EML6: variants seen among roughly 807,000 people sequenced by gnomAD.
EML6 encodes EMAP like 6.
In EML6, 154 loss-of-function variants were observed where a neutral mutation model predicts 240.1. The ratio of observed to expected loss-of-function variants is 0.64; its 90% CI spans 0.56 to 0.73. EML6 has a LOEUF of 0.73. Among genes scored for constraint, EML6 ranks in the 30% least tolerant of loss-of-function variants. The pLI is 0.00. For missense variants in EML6, 2,964 were observed against 2,474.6 expected (o/e 1.20, Z -4.20); for synonymous variants, 1,148 against 899.0 (o/e 1.28, Z -4.95).
intron 28 of EML6, among the ~76,000 whole-genome samples, chr2:54,939,657 A>G (rs897592859): frequency 2.0e-5 from 3 of 152,328 alleles, no homozygotes; most frequent in South Asian, 2.1e-4. Context: ...CGCTCCCTGC[A>G]GTGCCCCTGC....
chr2:54,936,972 T>C (rs866910098), intron 28 of EML6, among the ~76,000 whole-genome samples: 119 of 145,576 alleles, frequency 8.2e-4, no homozygotes, highest in African/African-American at 2.9e-3. Context: ...GTCTCTCTTT[T>C]TTTTTTTTTT....
intron 2 of EML6, chr2:54,747,018 TGA>T (rs1278756378): frequency 7.9e-5 from 12 of 152,244 alleles, no homozygotes; most frequent in African/African-American, 2.9e-4. Flanking sequence ...GACTGCAGTA[TGA>T]GCGCTGTGTA....
At chr2:54,950,521 G>A (rs1034261946) in intron 29 of EML6, 129 bp from the exon 30 acceptor site, 2 of 974,252 alleles carry the variant, frequency 2.1e-6, no homozygotes, top group South Asian at 1.9e-5. Flanking sequence ...TGTTTTCAGT[G>A]AGTGTGTGTT....
intron 7 of EML6, among the ~76,000 whole-genome samples, chr2:54,842,447 A>G (rs924299702): frequency 1.3e-5 from 2 of 152,220 alleles, no homozygotes; most frequent in African/African-American, 2.4e-5. Context: ...CTTGGTCACC[A>G]TAATTACAGT....
rs1558664921 is a variant in EML6 at position 54,899,690 on chromosome 2, C to T, written c.3032C>T (p.Pro1011Leu). 3.9e-6 allele frequency: 6 copies of T among 1,553,730 alleles called. No individual in the cohort carries two copies. The Admixed American group carries it at 1.2e-4, about 30-fold the overall frequency. Residue 1011 changes from proline to leucine, a missense_variant, in exon 22 of 42, where the codon CCC becomes CTC. Transcript: ENST00000356458. ...GGGTTGGCAGCTCACCCTCTCCTGC[C>T]CATCTGTGCAACAGTGAGCGATGAT... ...VWGLAAHPLL[P>L]ICATVSDDKT...
chr2:54,761,072 A>G (rs533618457), intron 2 of EML6, among the ~76,000 whole-genome samples: 2 of 152,238 alleles, frequency 1.3e-5, no homozygotes, highest in Admixed American at 6.5e-5. Flanking sequence ...TCTCTGCTTT[A>G]TGGTTTTAAT....
At chr2:54,876,738 G>A (rs538122045) in intron 16 of EML6, among the ~76,000 whole-genome samples, 2 of 152,152 alleles carry the variant, frequency 1.3e-5, no homozygotes, top group South Asian at 4.2e-4. Context: ...ATGTTTACAG[G>A]GTAGAATGTG....
At chr2:54,801,495 T>A (rs766724556) in intron 2 of EML6, among the ~76,000 whole-genome samples, 4 of 152,194 alleles carry the variant, frequency 2.6e-5, no homozygotes, top group Non-Finnish European at 5.9e-5. Context: ...CATGCTTGAC[T>A]CTCCAGTGTG....
chr2:54,763,343 T>A (rs1668055675), intron 2 of EML6, among the ~76,000 whole-genome samples: 1 of 152,216 alleles, frequency 6.6e-6, no homozygotes, highest in South Asian at 2.1e-4. Context: ...TAAAGTTGGG[T>A]TCACTGGAAT....
At position 54,967,100 on chromosome 2, in the gene EML6, C is replaced by T. The variant is rs752509567; in HGVS notation, c.5594C>T (p.Thr1865Ile). 6.5e-7 allele frequency: 1 copy of T among 1,549,068 alleles called. No homozygotes were observed. The highest frequency in any genetic ancestry group is 8.7e-7 in the Non-Finnish European group (1 of 1,144,872). The part of the protein sequence containing the change: ...VIEKITWASW[T>I]SVLGDEVIGI... ...GAGAAGATCACCTGGGCCTCCTGGA[C>T]AAGGTGACTGACTGGAAGAAAAAAC... The change falls in exon 39 of 42, where the codon ACA (threonine) becomes ATA (isoleucine). Residue 1865 changes from threonine to isoleucine, a missense_variant. By Grantham distance (89) the Thr-to-Ile change is moderately conservative (BLOSUM62 -1). Coordinates refer to ENST00000356458, the MANE Select transcript of EML6 (RefSeq NM_001039753.4).
chr2:54,892,475 G>C lies in EML6; in HGVS notation c.2561G>C (p.Arg854Thr). Residue 854 changes from arginine (R) to threonine (T), a missense_variant, in exon 19 of 42, where the codon AGA becomes ACA. By Grantham distance (71) the Arg-to-Thr change is moderately conservative. Coordinates refer to ENST00000356458, the MANE Select transcript of EML6 (RefSeq NM_001039753.4). ...CTAGGTGGGGGCTTCACTTCTAAAA[G>C]AGGAACTTTTGGAAGCGTTGGAAAA... The part of the protein sequence containing the change: ...QQAGGGFTSK[R>T]GTFGSVGKLE... 1 of 1,551,318 alleles carries C rather than the reference G, an allele frequency of 6.4e-7. No homozygotes were observed. The highest frequency in any genetic ancestry group is 8.7e-7 in the Non-Finnish European group (1 of 1,146,702).
intron 21 of EML6, among the ~76,000 whole-genome samples, chr2:54,896,917 A>T (rs1407447653): frequency 6.6e-6 from 1 of 152,162 alleles, no homozygotes; most frequent in Non-Finnish European, 1.5e-5. Flanking sequence ...CAAACCTCGA[A>T]AGCTCTGCAG....
At chr2:54,743,062 T>A (rs1331254196) in intron 2 of EML6, among the ~76,000 whole-genome samples, 1 of 152,236 alleles carries the variant, frequency 6.6e-6, no homozygotes, top group East Asian at 1.9e-4. Context: ...GCTATCTAGA[T>A]GTTTAAGAAA....
intron 4 of EML6, among the ~76,000 whole-genome samples, 169 bp from the exon 5 acceptor site, chr2:54,820,225 C>G (rs925112741): frequency 1.4e-4 from 22 of 152,106 alleles, no homozygotes; most frequent in African/African-American, 5.1e-4. Context: ...GAGGTGATAA[C>G]GTGTGTGTTA....
chr2:54,829,444 A>C lies in EML6; in HGVS notation c.814A>C (p.Ile272Leu), dbSNP rs923038796. The change falls in exon 7 of 42, where the codon ATT (isoleucine) becomes CTT (leucine). Residue 272 changes from isoleucine (I) to leucine (L), a missense_variant. Transcript: ENST00000356458. The stretch of plus-strand genomic sequence containing the variant: ...CACTGATTTCAAACCAATAACCAAA[A>C]TTGATCTCAGGGAGACAGAACAAGG... ...WDTDFKPITKIDLRETEQGYK... is the reference protein window; with the variant it reads ...WDTDFKPITKLDLRETEQGYK... The C allele has an allele frequency of 5.2e-5, 81 of 1,551,920 alleles. No individual in the cohort carries two copies. Among genetic ancestry groups the C allele is most frequent in the Non-Finnish European group, 7.1e-5 (81 of 1,146,808 alleles).
At chr2:54,871,673 C>G (rs1671265186) in intron 16 of EML6, 68 bp downstream of exon 16, 1 of 1,155,912 alleles carries the variant, frequency 8.7e-7, no homozygotes, top group South Asian at 1.3e-5. Flanking sequence ...AGAGTATGCC[C>G]CGCGCATGCG....
At chr2:54,862,284 G>C (rs1670714555) in intron 12 of EML6, among the ~76,000 whole-genome samples, 1 of 137,682 alleles carries the variant, frequency 7.3e-6, no homozygotes, top group African/African-American at 2.8e-5. Flanking sequence ...GTTGCAGTGA[G>C]CCACGATTGT....
chr2:54,877,294 T>C (rs571860133), intron 16 of EML6, among the ~76,000 whole-genome samples: 2 of 152,288 alleles, frequency 1.3e-5, no homozygotes, highest in African/African-American at 4.8e-5. Context: ...AAAATCTTTA[T>C]AGCTATATAA....
intron 2 of EML6, among the ~76,000 whole-genome samples, chr2:54,789,639 T>C (rs1361482985): frequency 2.0e-5 from 3 of 152,108 alleles, no homozygotes; most frequent in Non-Finnish European, 4.4e-5. Flanking sequence ...TTTTCTTCTC[T>C]TCTTCTGTCA....
Sources: gnomAD v4.1 joint callset for allele counts (sites outside exome capture counted in the v4.1 genomes callset) on GRCh38, gnomAD v4.1.1 for gene constraint, MANE v1.5 for transcripts, NCBI Gene and HGNC (gene_info 2026-07-23, HGNC 2026-07-21) for gene names.